TSPEAR: variants seen among roughly 807,000 people sequenced by gnomAD.
TSPEAR encodes the protein thrombospondin type laminin G domain and EAR repeats, also known as thrombospondin-type laminin G domain and EAR repeat-containing protein.
A neutral mutation model predicts 71.6 loss-of-function variants in TSPEAR; 69 were observed. The observed-to-expected ratio is 0.96, with a 90% CI of 0.79 to 1.18. TSPEAR has a LOEUF of 1.18. Ranked by LOEUF, TSPEAR falls within the 50% of genes most tolerant of loss-of-function variation. The pLI is 0.00. For synonymous variants in TSPEAR, 402 were observed against 387.2 expected (o/e 1.04, Z -0.45); for missense variants, 971 against 894.9 (o/e 1.09, Z -1.09).
rs58774528 is a variant in TSPEAR at position 44,599,134 on chromosome 21, TTCTCTCTCTC to T, written c.83-31139_83-31130del. 1.3e-3 allele frequency among the ~76,000 whole-genome samples: 117 copies of T among 92,338 alleles called. 1 individual carries two copies. The highest frequency in any genetic ancestry group is 1.9e-3 in the African/African-American group (57 of 30,332). The allele number at this position is 92,338 out of a possible 152,430, so 60.6% of individuals were successfully genotyped here. A position where few individuals can be genotyped will look rare whatever the true frequency, so the allele number is the denominator to read the frequency against. ...CCATATGGAAGCAGAGGCCCCCATTTTCTCTCTCTCTCTCTCTCTCTCTCTCTCTCTCTCT... is the reference window on the plus strand; with the variant it reads ...CCATATGGAAGCAGAGGCCCCCATTTTCTCTCTCTCTCTCTCTCTCTCTCT... On this transcript the variant is annotated intron_variant, in intron 1 of 11. Transcript: ENST00000323084.
chr21:44,679,270 T>A (rs587615836), intron 1 of TSPEAR, among the ~76,000 whole-genome samples: 1 of 152,286 alleles, frequency 6.6e-6, no homozygotes, highest in Non-Finnish European at 1.5e-5. Context: ...TGCATAGACC[T>A]GCCCATGGAA....
Position 44,612,661 on chromosome 21 carries a change from C to T in TSPEAR, c.83-44656G>A. The T allele has an allele frequency of 2.5e-6, 4 of 1,614,160 alleles. No homozygotes were observed. The highest frequency in any genetic ancestry group is 3.4e-6 in the Non-Finnish European group (4 of 1,180,028). On this transcript the variant is annotated intron_variant, in intron 1 of 11. Coordinates refer to ENST00000323084, the MANE Select transcript of TSPEAR (RefSeq NM_144991.3). The surrounding 1 kb of genome is among the most constrained non-coding windows in gnomAD (Gnocchi z 4.1). ...TCTGCTCTGGGGCTTCCTCTCTGTG[C>T]TGCCAGAAGTCTAGCTGCCAGCCGG...
intron 1 of TSPEAR, among the ~76,000 whole-genome samples, chr21:44,708,087 G>T (rs1316251094): frequency 2.6e-5 from 4 of 151,660 alleles, no homozygotes; most frequent in Non-Finnish European, 5.9e-5. Flanking sequence ...GAGAGCGAGC[G>T]AGAGAGGACG....
intron 11 of TSPEAR, among the ~76,000 whole-genome samples, chr21:44,503,716 T>A (rs587739986): frequency 1.0e-5 from 1 of 100,074 alleles, no homozygotes; most frequent in Non-Finnish European, 2.0e-5. Flanking sequence ...CGGTGAGCCC[T>A]CGGCGGGAAG....
Position 44,580,305 on chromosome 21 carries a change from C to T in TSPEAR, c.83-12300G>A, listed in dbSNP as rs782723882. Reference sequence around the variant, plus strand: ...AGGCAGCACACAGGCTTGCAGCAGACGGGCACGCAGCAGGCCTGCTGGCAG... The same window carrying T: ...AGGCAGCACACAGGCTTGCAGCAGATGGGCACGCAGCAGGCCTGCTGGCAG... On this transcript the variant is annotated intron_variant, in intron 1 of 11. Transcript: ENST00000323084. 2.0e-5 allele frequency: 32 copies of T among 1,613,392 alleles called. No individual in the cohort carries two copies. The highest frequency in any genetic ancestry group is 6.7e-5 in the East Asian group (3 of 44,832).
At chr21:44,602,236 G>A (rs1426926699) in intron 1 of TSPEAR, 29 of 184,524 alleles carry the variant, frequency 1.6e-4, no homozygotes, top group Admixed American at 1.4e-3. Flanking sequence ...CCCCACCCGC[G>A]GGTGGTCCTG....
chr21:44,522,961 TAGTC>T (rs587757599), intron 8 of TSPEAR, among the ~76,000 whole-genome samples: 27 of 152,346 alleles, frequency 1.8e-4, no homozygotes, highest in South Asian at 1.0e-3. Flanking sequence ...GTCATTGAGG[TAGTC>T]AGTCAGTCAG....
At chr21:44,574,457 C>T in intron 1 of TSPEAR, 1 of 1,601,982 alleles carries the variant, frequency 6.2e-7, no homozygotes, top group Non-Finnish European at 8.5e-7. Context: ...TGCCCGTCTG[C>T]TGCAAGACTG....
At position 44,533,777 on chromosome 21, in the gene TSPEAR, C is replaced by T. The variant is rs782696528; in HGVS notation, c.450G>A (p.Pro150=). ...TGTGCCAGCGGCCATCCACCAGGGC[C>T]GGGCTGCGGAAGGACACTCGGGTCT... ...AWQTRVSFRS[P]ALVDGRWHTL... The change falls in exon 3 of 12, where the codon CCG becomes CCA. Residue 150 remains proline (P), a synonymous_variant. Coordinates refer to ENST00000323084, the MANE Select transcript of TSPEAR (RefSeq NM_144991.3). 31 of 1,612,322 alleles carry T rather than the reference C, an allele frequency of 1.9e-5. No homozygotes were observed. The highest frequency in any genetic ancestry group is 1.1e-4 in the African/African-American group (8 of 74,916).
intron 1 of TSPEAR, among the ~76,000 whole-genome samples, chr21:44,663,014 A>C (rs1985576435): frequency 6.6e-6 from 1 of 152,168 alleles, no homozygotes; most frequent in African/African-American, 2.4e-5. Flanking sequence ...TTCACAAAGA[A>C]GAAAGTCCTG....
At chr21:44,541,395 C>T (rs1168745513) in intron 2 of TSPEAR, among the ~76,000 whole-genome samples, 1 of 152,192 alleles carries the variant, frequency 6.6e-6, no homozygotes, top group Non-Finnish European at 1.5e-5. Context: ...TGGCTTACAT[C>T]AGACTGGCCA....
intron 8 of TSPEAR, among the ~76,000 whole-genome samples, chr21:44,522,532 C>T (rs1014744308): frequency 2.6e-5 from 4 of 152,216 alleles, no homozygotes; most frequent in South Asian, 4.1e-4. Flanking sequence ...TTGGGTGGGT[C>T]GTGGGCTCAG....
chr21:44,650,267 T>C (rs1984698570), intron 1 of TSPEAR, among the ~76,000 whole-genome samples: 1 of 152,040 alleles, frequency 6.6e-6, no homozygotes, highest in Admixed American at 6.5e-5. Flanking sequence ...CCTCATACTG[T>C]AAACATGACC....
intron 1 of TSPEAR, chr21:44,575,161 A>G (rs1376924889): frequency 2.3e-6 from 2 of 877,248 alleles, no homozygotes; most frequent in Non-Finnish European, 3.5e-6. Flanking sequence ...CTGAAAGTCT[A>G]TACTCAATGC....
At chr21:44,595,758 A>G (rs1417602019) in intron 1 of TSPEAR, among the ~76,000 whole-genome samples, 2 of 152,248 alleles carry the variant, frequency 1.3e-5, no homozygotes, top group African/African-American at 2.4e-5. Context: ...GTGTAAACAT[A>G]TATGCACATA....
At chr21:44,682,786 G>C (rs1555948292) in intron 1 of TSPEAR, among the ~76,000 whole-genome samples, 3 of 152,240 alleles carry the variant, frequency 2.0e-5, no homozygotes, top group Non-Finnish European at 4.4e-5. Flanking sequence ...ACCAGCCGGA[G>C]TCAGAGCAGA....
intron 1 of TSPEAR, among the ~76,000 whole-genome samples, chr21:44,619,633 C>T (rs186079959): frequency 3.4e-4 from 52 of 152,160 alleles, no homozygotes; most frequent in African/African-American, 9.2e-4. Flanking sequence ...GATACCTCAC[C>T]AAATAGAGAA....
At chr21:44,676,567 T>C (rs78846425) in intron 1 of TSPEAR, 30,100 of 725,162 alleles carry the variant, frequency 0.042, 757 homozygotes, top group Middle Eastern at 0.066. Flanking sequence ...ACTTAGATGA[T>C]GAAACTGTAA....
intron 2 of TSPEAR, chr21:44,550,590 T>C: frequency 6.6e-7 from 1 of 1,514,058 alleles, no homozygotes; most frequent in East Asian, 2.3e-5. Flanking sequence ...CTGGGGCTGC[T>C]CCTTCTGTGC....
Sources: allele counts gnomAD v4.1 joint callset (sites outside exome capture counted in the v4.1 genomes callset), GRCh38; gene constraint gnomAD v4.1.1; non-coding constraint Gnocchi (gnomAD v3.1); transcripts MANE v1.5; gene names NCBI Gene and HGNC (gene_info 2026-07-23, HGNC 2026-07-21).